The following SMC2 variants were observed in gnomAD, a reference collection of about 807,000 sequenced individuals.
The protein encoded by SMC2 is structural maintenance of chromosomes 2.
A neutral mutation model predicts 142.6 loss-of-function variants in SMC2; 41 were observed. The ratio of observed to expected loss-of-function variants is 0.29; its 90% CI spans 0.22 to 0.37. The LOEUF is 0.37. SMC2 is among the 10% of genes least tolerant of loss of function. SMC2 has a pLI of 1.00. For synonymous variants in SMC2, 463 were observed against 457.5 expected (o/e 1.01, Z -0.15); for missense variants, 1,265 against 1,373.7 (o/e 0.92, Z 1.25).
At chr9:104,112,345 TGTCA>T (rs1249072240) in intron 10 of SMC2, among the ~76,000 whole-genome samples, 2 of 152,176 alleles carry the variant, frequency 1.3e-5, no homozygotes, top group African/African-American at 4.8e-5. Context: ...TTAAAAGTCT[TGTCA>T]GTCTATTATA....
At chr9:104,136,789 C>G (rs1235913381) in intron 23 of SMC2, among the ~76,000 whole-genome samples, 1 of 110,140 alleles carries the variant, frequency 9.1e-6, no homozygotes, top group Admixed American at 1.0e-4. Flanking sequence ...CAATTTTTCT[C>G]TACTTGTGCA....
chr9:104,119,393 T>C (rs978243757), intron 15 of SMC2, among the ~76,000 whole-genome samples: 2 of 152,200 alleles, frequency 1.3e-5, no homozygotes, highest in African/African-American at 4.8e-5. Context: ...GTGGAGTTTC[T>C]TTGTCAACAT....
At chr9:104,096,804 C>T (rs1830485060) in intron 3 of SMC2, among the ~76,000 whole-genome samples, 1 of 152,162 alleles carries the variant, frequency 6.6e-6, no homozygotes, top group Non-Finnish European at 1.5e-5. Flanking sequence ...TAAGTGAAAT[C>T]TTGCCAGGTC....
chr9:104,132,983 GTCACTATTC>G (rs949625770), intron 22 of SMC2, among the ~76,000 whole-genome samples: 1 of 151,898 alleles, frequency 6.6e-6, no homozygotes, highest in Non-Finnish European at 1.5e-5. Flanking sequence ...TTATATGCCA[GTCACTATTC>G]TCAAATTAAT....
chr9:104,125,430 G>A (rs1834161648), intron 18 of SMC2, among the ~76,000 whole-genome samples: 1 of 152,082 alleles, frequency 6.6e-6, no homozygotes, highest in Non-Finnish European at 1.5e-5. Flanking sequence ...TCTGAAGTCT[G>A]GAAGACTTCT....
intron 9 of SMC2, among the ~76,000 whole-genome samples, chr9:104,103,724 G>A (rs912842561): frequency 9.2e-5 from 14 of 152,236 alleles, no homozygotes; most frequent in Admixed American, 9.2e-4. Context: ...GTATACATTT[G>A]CCTTTTCACT....
At chr9:104,088,728 T>C in the SMC2 span, among the ~76,000 whole-genome samples, 1 of 152,206 alleles carries the variant, frequency 6.6e-6, no homozygotes, top group Admixed American at 6.5e-5. Context: ...CAATCTACTC[T>C]ATTTAGATGA....
chr9:104,116,718 A>G (rs1833158575), intron 14 of SMC2, among the ~76,000 whole-genome samples: 2 of 152,180 alleles, frequency 1.3e-5, no homozygotes, highest in South Asian at 2.1e-4. Flanking sequence ...GAAGGCCTTC[A>G]TTAGTATTGC....
chr9:104,134,236 G>A (rs1347994653), intron 22 of SMC2, among the ~76,000 whole-genome samples, 179 bp from the exon 23 acceptor site: 1 of 152,096 alleles, frequency 6.6e-6, no homozygotes, highest in African/African-American at 2.4e-5. Context: ...CACTAGCACC[G>A]ATAGACGCTT....
rs923846470 is a variant in SMC2 at position 104,129,861 on chromosome 9, A to T, written c.2991+16A>T. 4.8e-5 allele frequency: 77 copies of T among 1,595,446 alleles called. No homozygotes were observed. Among genetic ancestry groups the T allele is most frequent in the Non-Finnish European group, 6.4e-5 (74 of 1,164,042 alleles). ...TGAAGAGCGAGTAAGTCAATTTCTT[A>T]TGAATATCTGGCCGCATTAGAACAT... On this transcript the variant is annotated intron_variant, in intron 21 of 24. Coordinates refer to ENST00000374793, the MANE Select transcript of SMC2 (RefSeq NM_006444.3).
At position 104,120,055 on chromosome 9, in the gene SMC2, A is replaced by G; in HGVS notation, c.2025A>G (p.Leu675=). 1 of 1,613,952 alleles carries G rather than the reference A, an allele frequency of 6.2e-7. No individual in the cohort carries two copies. The highest frequency in any genetic ancestry group is 8.5e-7 in the Non-Finnish European group (1 of 1,179,930). ...GGARSQAASI[L]TKFQELKDVQ... is the part of the protein sequence containing the mutation. ...CTCGATCCCAGGCAGCTTCCATTTT[A>G]ACCAAGTTTCAAGAACTCAAAGATG... is the stretch of plus-strand genomic sequence containing the variant. The change falls in exon 16 of 25, where the codon TTA becomes TTG. Residue 675 remains leucine, a synonymous_variant. Coordinates refer to ENST00000374793, the MANE Select transcript of SMC2 (RefSeq NM_006444.3).
At chr9:104,122,470 G>GTT (rs200031432) in intron 16 of SMC2, among the ~76,000 whole-genome samples, 1 of 143,098 alleles carries the variant, frequency 7.0e-6, no homozygotes, top group African/African-American at 2.5e-5. Flanking sequence ...TATAAGTTTT[G>GTT]TTTTTTTTTT....
chr9:104,123,668 G>GT (rs1343563113), intron 17 of SMC2, among the ~76,000 whole-genome samples: 3 of 152,148 alleles, frequency 2.0e-5, no homozygotes, highest in East Asian at 1.9e-4. Flanking sequence ...GTTGCTCATG[G>GT]TTTTTTTCCC....
chr9:104,124,098 T>G (rs940496235), intron 17 of SMC2, among the ~76,000 whole-genome samples: 1 of 151,810 alleles, frequency 6.6e-6, no homozygotes, highest in Non-Finnish European at 1.5e-5. Context: ...ATTGCCCTTT[T>G]ATTTATTTTT....
chr9:104,121,845 A>G (rs1833777060), intron 16 of SMC2, among the ~76,000 whole-genome samples: 1 of 152,036 alleles, frequency 6.6e-6, no homozygotes, highest in Non-Finnish European at 1.5e-5. Context: ...CAGTGGCCCG[A>G]TCTCGGCTCA....
At chr9:104,097,557 G>C (rs1372556945) in intron 3 of SMC2, among the ~76,000 whole-genome samples, 1 of 146,256 alleles carries the variant, frequency 6.8e-6, no homozygotes. Context: ...ACAGAATCCT[G>C]TTCCATGTCA....
chr9:104,102,222 T>C, intron 8 of SMC2, 29 bp downstream of exon 8: 1 of 1,323,012 alleles, frequency 7.6e-7, no homozygotes, highest in Middle Eastern at 2.6e-4. Flanking sequence ...GAATCGATAA[T>C]ATACTCTGTG....
chr9:104,111,339 A>G lies in SMC2; in HGVS notation c.1021-242A>G, dbSNP rs148772638. On this transcript the variant is annotated intron_variant, in intron 9 of 24. Transcript: ENST00000374793. ...AAATCTGCAATTATTATTTAGCCCA[A>G]TGTCTCATGGATTTAATTTATAACA... Among the ~76,000 whole-genome samples, 296 of 152,270 alleles carry G rather than the reference A, an allele frequency of 1.9e-3. 2 individuals carry two copies. Among genetic ancestry groups the G allele is most frequent in the African/African-American group, 6.2e-3 (257 of 41,560 alleles).
chr9:104,137,976 TA>T, intron 23 of SMC2, 41 bp from the exon 24 acceptor site: 1 of 1,470,210 alleles, frequency 6.8e-7, no homozygotes, highest in Non-Finnish European at 9.1e-7. Context: ...TGATAAGTGA[TA>T]AAATCAAATT....
Sources: gnomAD v4.1 joint callset for allele counts (sites outside exome capture counted in the v4.1 genomes callset) on GRCh38, gnomAD v4.1.1 for gene constraint, MANE v1.5 for transcripts, NCBI Gene and HGNC (gene_info 2026-07-23, HGNC 2026-07-21) for gene names.